TMEM11: variants seen among roughly 807,000 people sequenced by gnomAD.
TMEM11 encodes the protein transmembrane protein 11, mitochondrial.
Under a neutral mutation model 17.0 loss-of-function variants are expected in TMEM11, and 1 was observed. That is an observed-to-expected ratio of 0.06 (90% CI 0.02 to 0.28). TMEM11 has a LOEUF of 0.28. Among genes scored for constraint, TMEM11 ranks in the 10% least tolerant of loss-of-function variants. The pLI, the probability that TMEM11 is intolerant of heterozygous loss-of-function variation, is 1.00. For missense variants in TMEM11, 172 were observed against 252.9 expected, an observed-to-expected ratio of 0.68 and a Z score of 2.17; for synonymous variants, 122 against 118.1, an observed-to-expected ratio of 1.03 and a Z score of -0.21.
rs151049145 is a variant in TMEM11, at chr17:21,211,359, C to T, written c.62+2732G>A. The T allele has an allele frequency of 1.4e-4, 90 of 626,616 alleles. 1 individual carries two copies. The African/African-American group carries it at 1.7e-3, about 12-fold the overall frequency. The allele number at this position is 626,616 out of a possible 1,614,324, so 38.8% of individuals were successfully genotyped here. On this transcript the variant is annotated intron_variant, in intron 1 of 1. Transcript: ENST00000317635. The stretch of plus-strand genomic sequence containing the variant: ...TCTGCAGTGATGGAAATGTCCTCCA[C>T]CTATGCTGTCCAATATGGTAGCCAC...
intron 1 of TMEM11, among the ~76,000 whole-genome samples, chr17:21,205,117 CCA>C (rs2144300309): frequency 6.6e-6 from 1 of 152,254 alleles, no homozygotes; most frequent in Non-Finnish European, 1.5e-5. Flanking sequence ...TAAAAGGCGG[CCA>C]CAGTGAAAAC....
At chr17:21,211,036 G>C (rs954561294) in intron 1 of TMEM11, 1 of 1,289,820 alleles carries the variant, frequency 7.8e-7, no homozygotes. Context: ...GAGCTGGTCC[G>C]GGCTGGCACA....
intron 1 of TMEM11, among the ~76,000 whole-genome samples, chr17:21,202,604 T>G (rs1974894954): frequency 7.4e-6 from 1 of 135,702 alleles, no homozygotes. Flanking sequence ...GGCACCCACA[T>G]CCACCCAGAC....
intron 1 of TMEM11, among the ~76,000 whole-genome samples, chr17:21,207,924 T>C (rs1259994071): frequency 6.6e-6 from 1 of 152,016 alleles, no homozygotes; most frequent in African/African-American, 2.4e-5. Flanking sequence ...AGTGGTTTTC[T>C]TTGGATGGTG....
At chr17:21,201,206 T>A (rs537387336) in intron 1 of TMEM11, among the ~76,000 whole-genome samples, 141 of 152,320 alleles carry the variant, frequency 9.3e-4, no homozygotes, top group African/African-American at 3.0e-3. Context: ...CCCCCAAGCA[T>A]GGGGACCCTA....
chr17:21,204,552 A>ATACGTAGTGTATTTTTAAAAGTCTCT (rs1974922371), intron 1 of TMEM11, among the ~76,000 whole-genome samples: 1 of 152,000 alleles, frequency 6.6e-6, no homozygotes, highest in Admixed American at 6.6e-5. Context: ...ACAGTATGCT[A>ATACGTAGTGTATTTTTAAAAGTCTCT]TACGTAGTGT....
At chr17:21,211,635 G>T (rs1378631767) in intron 1 of TMEM11, among the ~76,000 whole-genome samples, 1 of 152,218 alleles carries the variant, frequency 6.6e-6, no homozygotes, top group Admixed American at 6.5e-5. Flanking sequence ...AATACTGCAG[G>T]CAGTCTGGCA....
chr17:21,211,152 G>A (rs1190487598), intron 1 of TMEM11: 1 of 1,289,872 alleles, frequency 7.8e-7, no homozygotes, highest in Non-Finnish European at 1.0e-6. Context: ...CTCGTTGCCA[G>A]TGTGCTGAAT....
At chr17:21,202,633 G>T (rs975449168) in intron 1 of TMEM11, among the ~76,000 whole-genome samples, 47 of 148,808 alleles carry the variant, frequency 3.2e-4, no homozygotes, top group African/African-American at 9.9e-4. Flanking sequence ...AGGCTCCATC[G>T]CTTGCTGGGA....
At chr17:21,204,356 C>T (rs887701857) in intron 1 of TMEM11, among the ~76,000 whole-genome samples, 1 of 147,790 alleles carries the variant, frequency 6.8e-6, no homozygotes, top group Admixed American at 6.9e-5. Flanking sequence ...ATTGCTTGAA[C>T]GCAGGAGGCG....
In TMEM11 at chr17:21,198,955, C is replaced by G; in HGVS notation, c.63-115G>C. On this transcript the variant is annotated intron_variant, in intron 1 of 1. Transcript: ENST00000317635. This position sits in a 1 kb window ranked among gnomAD's most constrained non-coding sequence, Gnocchi z 6.5. ...AGGTCTGAGCCTGCACTGCGGAGAG[C>G]ACATCTCACTTGGGTCCTCATCTCC... The G allele has an allele frequency of 8.8e-7, 1 of 1,139,078 alleles. No individual in the cohort carries two copies. The highest frequency in any genetic ancestry group is 1.2e-6 in the Non-Finnish European group (1 of 816,754). The allele number at this position is 1,139,078 out of a possible 1,614,324, so 70.6% of individuals were successfully genotyped here.
intron 1 of TMEM11, among the ~76,000 whole-genome samples, chr17:21,199,135 A>G (rs1452221632): frequency 1.4e-5 from 2 of 138,130 alleles, no homozygotes; most frequent in African/African-American, 2.6e-5. Context: ...CCTGGCCAAC[A>G]TGGTGAAACC....
Position 21,211,056 on chromosome 17 carries a change from AAC to A in TMEM11, c.62+3033_62+3034del, listed in dbSNP as rs1358593500. Reference sequence around the variant, plus strand: ...GGTCCGGGCTGGCACACGGTGGCAGAACACAGATACCTGCACTGTGCTTTCCT... The same window carrying A: ...GGTCCGGGCTGGCACACGGTGGCAGAACAGATACCTGCACTGTGCTTTCCT... On this transcript the variant is annotated intron_variant, in intron 1 of 1. Coordinates refer to ENST00000317635, the MANE Select transcript of TMEM11 (RefSeq NM_003876.3). 3.9e-6 allele frequency: 5 copies of A among 1,289,706 alleles called. No homozygotes were observed. In the African/African-American group the frequency reaches 6.1e-5, roughly 16 times the overall value. The allele number at this position is 1,289,706 out of a possible 1,614,324, so 79.9% of individuals were successfully genotyped here. A position where few individuals can be genotyped will look rare whatever the true frequency, so the allele number is the denominator to read the frequency against.
chr17:21,207,312 C>T (rs1444091294), intron 1 of TMEM11, among the ~76,000 whole-genome samples: 3 of 151,606 alleles, frequency 2.0e-5, no homozygotes, highest in African/African-American at 7.3e-5. Context: ...GGCAGATCAC[C>T]TGAGGTCAGG....
At chr17:21,199,281 C>T (rs987869956) in intron 1 of TMEM11, among the ~76,000 whole-genome samples, 3 of 134,874 alleles carry the variant, frequency 2.2e-5, no homozygotes, top group Admixed American at 8.1e-5. Context: ...GAGCCGAGAT[C>T]GTGCCATTGC....
At chr17:21,201,363 A>G (rs914208593) in intron 1 of TMEM11, among the ~76,000 whole-genome samples, 11 of 152,246 alleles carry the variant, frequency 7.2e-5, no homozygotes, top group African/African-American at 2.7e-4. Context: ...ATTAAACGGC[A>G]TGCACTGGGG....
intron 1 of TMEM11, among the ~76,000 whole-genome samples, chr17:21,203,642 G>C (rs1974907596): frequency 6.6e-6 from 1 of 151,454 alleles, no homozygotes; most frequent in African/African-American, 2.4e-5. Context: ...GGGAGGCAGA[G>C]GTTGCAGTGA....
chr17:21,213,067 C>T (rs914416001), intron 1 of TMEM11: 1 of 152,184 alleles, frequency 6.6e-6, no homozygotes, highest in African/African-American at 2.4e-5. Flanking sequence ...TAGCAATGAA[C>T]ACGGGATGGA....
intron 1 of TMEM11, among the ~76,000 whole-genome samples, chr17:21,208,032 G>A (rs543110667): frequency 2.1e-4 from 30 of 145,236 alleles, no homozygotes; most frequent in East Asian, 1.9e-3. Context: ...TCGCTCTGTC[G>A]CCCAGGCTCA....
Sources: gnomAD v4.1 joint callset for allele counts (sites outside exome capture counted in the v4.1 genomes callset) on GRCh38, gnomAD v4.1.1 for gene constraint, Gnocchi (gnomAD v3.1) non-coding constraint, MANE v1.5 for transcripts, NCBI Gene and HGNC (gene_info 2026-07-23, HGNC 2026-07-21) for gene names.